Variants in C9orf50 observed in about 807,000 individuals in gnomAD.
C9orf50 encodes uncharacterized protein C9orf50.
In C9orf50, 33 loss-of-function variants were observed where a neutral mutation model predicts 42.5. The observed-to-expected ratio is 0.78, with a 90% CI of 0.59 to 1.04. The LOEUF (loss-of-function observed/expected upper bound fraction) is 1.04, where lower values mean the gene tolerates loss of function less well. Among genes scored for constraint, C9orf50 ranks in the 50% least tolerant of loss-of-function variants. The probability of loss-of-function intolerance (pLI) is 0.00; values close to 1 mark genes in which losing one functional copy is unlikely to be tolerated. For synonymous variants in C9orf50, 257 were observed against 273.4 expected (o/e 0.94, Z 0.59); for missense variants, 547 against 594.3 (o/e 0.92, Z 0.83).
Position 129,613,172 on chromosome 9 carries a change from C to T in C9orf50, c.1123G>A (p.Ala375Thr). The change falls in exon 6 of 7, where the codon GCC becomes ACC. Residue 375 changes from alanine to threonine, a missense_variant. Physicochemically the swap from Ala to Thr is moderately conservative, Grantham distance 58. Coordinates refer to ENST00000372478, the Ensembl canonical transcript of C9orf50. This position sits in a 1 kb window ranked among gnomAD's most constrained non-coding sequence, Gnocchi z 6.2. The stretch of plus-strand genomic sequence containing the variant: ...CTGCTTCGCGGCCTCTGAGCAGCGG[C>T]CTTCTTCCATGAACAGAAGGGCAGG... 2 of 1,613,766 alleles carry T rather than the reference C, an allele frequency of 1.2e-6. No individual in the cohort carries two copies. The highest frequency in any genetic ancestry group is 2.2e-5 in the East Asian group (1 of 44,878).
At chr9:129,618,677 A>AT (rs1188076727) in intron 3 of C9orf50, among the ~76,000 whole-genome samples, 2 of 150,716 alleles carry the variant, frequency 1.3e-5, no homozygotes, top group Non-Finnish European at 3.0e-5. Flanking sequence ...TTTATTTTTT[A>AT]TTTATTTTAT....
intron 3 of C9orf50, 119 bp from the exon 4 acceptor site, chr9:129,615,766 G>A (rs1830344783): frequency 2.7e-6 from 3 of 1,126,204 alleles, no homozygotes; most frequent in African/African-American, 1.6e-5. Flanking sequence ...CTTGAAGAAT[G>A]GATAACGCCA....
In C9orf50 at chr9:129,620,014, A is replaced by AC. The variant is rs367589276; in HGVS notation, c.508+52dup. 5 of 1,448,664 alleles carry AC rather than the reference A, an allele frequency of 3.5e-6. No homozygotes were observed. Among genetic ancestry groups the AC allele is most frequent in the Non-Finnish European group, 3.7e-6 (4 of 1,093,850 alleles). The allele number at this position is 1,448,664 out of a possible 1,614,324, so 89.7% of individuals were successfully genotyped here. On this transcript the variant is annotated intron_variant, in intron 1 of 6. Transcript: ENST00000372478. This position sits in a 1 kb window ranked among gnomAD's most constrained non-coding sequence, Gnocchi z 5.8. ...GGTGGGTGCGGGGACACAAGGGACC[A>AC]CCCCCCACCGGAAATGACTCGGGCC...
exon 7 of C9orf50, chr9:129,612,239 C>G: frequency 2.3e-6 from 2 of 880,674 alleles, no homozygotes; most frequent in Non-Finnish European, 3.6e-6. Context: ...GGTGTGACAC[C>G]TACTGGCAGG....
At chr9:129,615,814 G>C (rs889042284) in intron 3 of C9orf50, among the ~76,000 whole-genome samples, 167 bp from the exon 4 acceptor site, 2 of 152,222 alleles carry the variant, frequency 1.3e-5, no homozygotes, top group Non-Finnish European at 2.9e-5. Flanking sequence ...CTTCCTACCT[G>C]CCAGGCAGGC....
rs904304018 is a variant in C9orf50 at position 129,620,142 on chromosome 9, C to T, written c.433G>A (p.Glu145Lys). The T allele has an allele frequency of 3.6e-5, 52 of 1,461,958 alleles. No individual in the cohort carries two copies. In the Admixed American group the frequency reaches 7.5e-4, roughly 21 times the overall value. The allele number at this position is 1,461,958 out of a possible 1,614,324, so 90.6% of individuals were successfully genotyped here. ...TCACGGAACCTGCTGGGGAGGAGCT[C>T]TCCTAGGAAGGCGCCCAAGAAGTCG... is the stretch of plus-strand genomic sequence containing the variant. The change falls in exon 1 of 7, where the codon GAG becomes AAG. Residue 145 changes from glutamate (E) to lysine (K), a missense_variant. By Grantham distance (56) the Glu-to-Lys change is moderately conservative. Transcript: ENST00000372478. The surrounding 1 kb of genome is among the most constrained non-coding windows in gnomAD (Gnocchi z 5.8).
At chr9:129,612,566 C>A in intron 6 of C9orf50, 112 bp from the exon 7 acceptor site, 1 of 778,398 alleles carries the variant, frequency 1.3e-6, no homozygotes, top group Non-Finnish European at 2.1e-6. Context: ...GCTGTCAGCC[C>A]CATTTTAAAA....
Position 129,613,902 on chromosome 9 carries a change from C to T in C9orf50, c.881-305G>A, listed in dbSNP as rs1193515188. Among the ~76,000 whole-genome samples the T allele has an allele frequency of 1.3e-5, 2 of 152,188 alleles. No individual in the cohort carries two copies. The highest frequency in any genetic ancestry group is 2.9e-5 in the Non-Finnish European group (2 of 68,034). On this transcript the variant is annotated intron_variant, in intron 4 of 6. Transcript: ENST00000372478. This position sits in a 1 kb window ranked among gnomAD's most constrained non-coding sequence, Gnocchi z 6.2. Reference sequence around the variant, plus strand: ...CATCATAGAAATCCCAGAAACCATGCTGAGAGCGTTGAGGGCTTCAGGGAG... The same window carrying T: ...CATCATAGAAATCCCAGAAACCATGTTGAGAGCGTTGAGGGCTTCAGGGAG...
chr9:129,613,609 A>G lies in C9orf50; in HGVS notation c.881-12T>C, dbSNP rs1205616084. The G allele has an allele frequency of 6.2e-7, 1 of 1,613,886 alleles. No homozygotes were observed. Among genetic ancestry groups the G allele is most frequent in the Non-Finnish European group, 8.5e-7 (1 of 1,180,010 alleles). On this transcript the variant is annotated splice_polypyrimidine_tract_variant and intron_variant, in intron 4 of 6. Coordinates refer to ENST00000372478, the Ensembl canonical transcript of C9orf50. This position sits in a 1 kb window ranked among gnomAD's most constrained non-coding sequence, Gnocchi z 6.2. ...GACGCTCTGTTGGACTGCAGGAAAG[A>G]GGGCAGGGTGAGATCTCTGCCCAGG...
chr9:129,612,788 C>T (rs1043122850), intron 6 of C9orf50, among the ~76,000 whole-genome samples: 1 of 152,122 alleles, frequency 6.6e-6, no homozygotes, highest in African/African-American at 2.4e-5. Flanking sequence ...CAAGATTGCA[C>T]CACTGCACTC....
chr9:129,620,368 G>A lies in C9orf50; in HGVS notation c.207C>T (p.Pro69=). The change falls in exon 1 of 7, where the codon CCC becomes CCT. Residue 69 remains proline (P), a synonymous_variant. Transcript: ENST00000372478. This position sits in a 1 kb window ranked among gnomAD's most constrained non-coding sequence, Gnocchi z 5.8. ...GCGGGAGGCGTCCGACGCCCACCCCGGGCTTGGCGTCCCCTTCCGGCCACC... is the reference window on the plus strand; with the variant it reads ...GCGGGAGGCGTCCGACGCCCACCCCAGGCTTGGCGTCCCCTTCCGGCCACC... 7.3e-6 allele frequency: 9 copies of A among 1,228,034 alleles called. No individual in the cohort carries two copies. Among genetic ancestry groups the A allele is most frequent in the Non-Finnish European group, 8.1e-6 (8 of 985,960 alleles). The allele number at this position is 1,228,034 out of a possible 1,614,324, so 76.1% of individuals were successfully genotyped here.
At position 129,615,480 on chromosome 9, in the gene C9orf50, T is replaced by A; in HGVS notation, c.880+4A>T. 6.3e-7 allele frequency: 1 copy of A among 1,583,394 alleles called. No individual in the cohort carries two copies. The highest frequency in any genetic ancestry group is 8.6e-7 in the Non-Finnish European group (1 of 1,165,174). ...TCTCGAGGCTCCCCATCCTGTCTGC[T>A]TACCTGAGCGTCTGCGCTCCCAGTA... On this transcript the variant is annotated splice_donor_region_variant and intron_variant, in intron 4 of 6. Coordinates refer to ENST00000372478, the Ensembl canonical transcript of C9orf50.
chr9:129,620,362 C>T lies in C9orf50; in HGVS notation c.213G>A (p.Val71=), dbSNP rs1049297317. 1.6e-5 allele frequency: 20 copies of T among 1,228,046 alleles called. No individual in the cohort carries two copies. The Admixed American group carries it at 7.7e-4, about 47-fold the overall frequency. 76.1% of individuals were successfully genotyped at this position (1,228,046 alleles called of 1,614,324 possible). The change falls in exon 1 of 7, where the codon GTG becomes GTA. Residue 71 remains valine, a synonymous_variant. Transcript: ENST00000372478. The surrounding 1 kb of genome is among the most constrained non-coding windows in gnomAD (Gnocchi z 5.8). ...GGCGCGGCGGGAGGCGTCCGACGCCCACCCCGGGCTTGGCGTCCCCTTCCG... is the reference window on the plus strand; with the variant it reads ...GGCGCGGCGGGAGGCGTCCGACGCCTACCCCGGGCTTGGCGTCCCCTTCCG...
Position 129,620,098 on chromosome 9 carries a change from C to T in C9orf50, c.477G>A (p.Gln159=), listed in dbSNP as rs749921277. 8.3e-5 allele frequency: 120 copies of T among 1,452,008 alleles called. No individual in the cohort carries two copies. Among genetic ancestry groups the T allele is most frequent in the Non-Finnish European group, 1.0e-4 (115 of 1,100,114 alleles). 89.9% of individuals were successfully genotyped at this position (1,452,008 alleles called of 1,614,324 possible). A position where few individuals can be genotyped will look rare whatever the true frequency, so the allele number is the denominator to read the frequency against. The change falls in exon 1 of 7, where the codon CAG becomes CAA. Residue 159 remains glutamine (Q), a synonymous_variant. Coordinates refer to ENST00000372478, the Ensembl canonical transcript of C9orf50. This position sits in a 1 kb window ranked among gnomAD's most constrained non-coding sequence, Gnocchi z 5.8. ...GCTCCGGCTCCTCGGCGCACTTCTC[C>T]TGGAGCTGGTGCAGGAACTCACGGA... is the stretch of plus-strand genomic sequence containing the variant.
chr9:129,613,568 C>A lies in C9orf50; in HGVS notation c.910G>T (p.Ala304Ser). The A allele has an allele frequency of 6.2e-7, 1 of 1,614,160 alleles. No homozygotes were observed. Residue 304 changes from alanine to serine, a missense_variant, in exon 5 of 7, where the codon GCC becomes TCC. By Grantham distance (99) the Ala-to-Ser change is moderately conservative (BLOSUM62 1). Coordinates refer to ENST00000372478, the Ensembl canonical transcript of C9orf50. The surrounding 1 kb of genome is among the most constrained non-coding windows in gnomAD (Gnocchi z 6.2). ...CGCTCGGACGCCACTGGCAGGGCGGCCTTCTGGTTCACAATGACGCTCTGT... is the reference window on the plus strand; with the variant it reads ...CGCTCGGACGCCACTGGCAGGGCGGACTTCTGGTTCACAATGACGCTCTGT...
chr9:129,612,270 C>T, exon 7 of C9orf50: 1 of 1,261,030 alleles, frequency 7.9e-7, no homozygotes, highest in Non-Finnish European at 1.1e-6. Flanking sequence ...CTGGGATGTG[C>T]CTTTATTTGT....
chr9:129,612,264 G>T, exon 7 of C9orf50: 1 of 1,193,036 alleles, frequency 8.4e-7, no homozygotes, highest in Non-Finnish European at 1.2e-6. Flanking sequence ...AGCCACCTGG[G>T]ATGTGCCTTT....
Position 129,620,141 on chromosome 9 carries a change from T to A in C9orf50, c.434A>T (p.Glu145Val). The A allele has an allele frequency of 2.1e-6, 3 of 1,452,294 alleles. No homozygotes were observed. Among genetic ancestry groups the A allele is most frequent in the Non-Finnish European group, 2.7e-6 (3 of 1,099,124 alleles). The allele number at this position is 1,452,294 out of a possible 1,614,324, so 90.0% of individuals were successfully genotyped here. A position where few individuals can be genotyped will look rare whatever the true frequency, so the allele number is the denominator to read the frequency against. Residue 145 changes from glutamate (E) to valine (V), a missense_variant, in exon 1 of 7, where the codon GAG becomes GTG. This residue lies in a region of C9orf50 where 108 missense variants were observed against 172.1 expected (regional missense o/e 0.63). Coordinates refer to ENST00000372478, the Ensembl canonical transcript of C9orf50. This position sits in a 1 kb window ranked among gnomAD's most constrained non-coding sequence, Gnocchi z 5.8. ...CTCACGGAACCTGCTGGGGAGGAGC[T>A]CTCCTAGGAAGGCGCCCAAGAAGTC...
upstream of C9orf50, among the ~76,000 whole-genome samples, chr9:129,621,074 C>G (rs527601333): frequency 6.6e-5 from 10 of 152,258 alleles, no homozygotes; most frequent in Non-Finnish European, 1.5e-4. Context: ...AGCCGTGAAA[C>G]GGCATCACCG....
Sources: allele counts gnomAD v4.1 joint callset (sites outside exome capture counted in the v4.1 genomes callset), GRCh38; gene constraint gnomAD v4.1.1; regional missense constraint gnomAD v4.1.1; non-coding constraint Gnocchi (gnomAD v3.1); transcripts MANE v1.5; gene names NCBI Gene and HGNC (gene_info 2026-07-23, HGNC 2026-07-21).